WHR1: variants seen among roughly 807,000 people sequenced by gnomAD.
WHR1 encodes winged helix repair factor 1, also known as MHC class III HLA-RP1.
chr6:31,972,433 C>T, the WHR1 span: 1 of 1,613,100 alleles, frequency 6.2e-7, no homozygotes, highest in Middle Eastern at 1.6e-4. The surrounding 1 kb of genome is among the most constrained non-coding windows in gnomAD (Gnocchi z 6.3). Flanking sequence ...GAGGCATCAC[C>T]TGATCCCGGA....
the WHR1 span, among the ~76,000 whole-genome samples, chr6:31,979,222 G>C: frequency 8.9e-6 from 1 of 111,882 alleles, no homozygotes; most frequent in South Asian, 4.8e-4. Flanking sequence ...GGAGGAGGAG[G>C]AAGGAAGGAG....
At chr6:31,972,947 G>C in the WHR1 span, 3 of 1,014,608 alleles carry the variant, frequency 3.0e-6, no homozygotes, top group African/African-American at 3.2e-5. The surrounding 1 kb of genome is among the most constrained non-coding windows in gnomAD (Gnocchi z 6.3). Flanking sequence ...AAATCATGGA[G>C]GTAGAAGAAC....
chr6:31,976,034 G>A, the WHR1 span, among the ~76,000 whole-genome samples: 1 of 150,280 alleles, frequency 6.7e-6, no homozygotes, highest in Non-Finnish European at 1.5e-5. Context: ...CCGGGCGGGG[G>A]GGGCTGACCC....
the WHR1 span, chr6:31,972,011 T>G: frequency 1.9e-6 from 3 of 1,605,512 alleles, no homozygotes; most frequent in African/African-American, 4.0e-5. This position sits in a 1 kb window ranked among gnomAD's most constrained non-coding sequence, Gnocchi z 6.3. Flanking sequence ...AAAAGTGGTT[T>G]TCTGCTTTCG....
At chr6:31,979,776 T>A in the WHR1 span, 1 of 535,762 alleles carries the variant, frequency 1.9e-6, no homozygotes, top group South Asian at 2.6e-5. Flanking sequence ...AGAATTCAGT[T>A]CTTGGTGGCT....
At chr6:31,978,989 C>T in the WHR1 span, 2 of 1,612,138 alleles carry the variant, frequency 1.2e-6, no homozygotes, top group Admixed American at 3.3e-5. Context: ...CTGAGGACTA[C>T]AGGACCAGAG....
the WHR1 span, chr6:31,980,647 C>G: frequency 2.1e-5 from 25 of 1,172,674 alleles, no homozygotes; most frequent in Non-Finnish European, 2.7e-5. Flanking sequence ...TGCCACTTCT[C>G]CTCTAGGGCG....
At chr6:31,972,770 G>T in the WHR1 span, 1 of 1,609,346 alleles carries the variant, frequency 6.2e-7, no homozygotes. The surrounding 1 kb of genome is among the most constrained non-coding windows in gnomAD (Gnocchi z 6.3). Flanking sequence ...GAGGGGCGTC[G>T]GTGCGACCGC....
chr6:31,975,988 C>A, the WHR1 span, among the ~76,000 whole-genome samples: 21 of 147,680 alleles, frequency 1.4e-4, no homozygotes, highest in African/African-American at 5.3e-4. Context: ...GGCGGCCGGG[C>A]AGAGGCGCCC....
chr6:31,976,303 C>T, the WHR1 span, among the ~76,000 whole-genome samples: 156 of 151,406 alleles, frequency 1.0e-3, 1 homozygote, highest in Middle Eastern at 3.4e-3. Context: ...GGCTGCCGGG[C>T]GGAGATGCTC....
the WHR1 span, chr6:31,979,449 G>T: frequency 6.2e-7 from 1 of 1,612,872 alleles, no homozygotes; most frequent in South Asian, 1.1e-5. Context: ...CGTATGCTGG[G>T]GCAGTGCAGA....
the WHR1 span, chr6:31,979,027 G>A: frequency 6.2e-7 from 1 of 1,605,052 alleles, no homozygotes; most frequent in Non-Finnish European, 8.5e-7. Flanking sequence ...CAGGGGTGCT[G>A]GGGGGAGGGC....
the WHR1 span, among the ~76,000 whole-genome samples, chr6:31,977,295 C>T: frequency 6.6e-6 from 1 of 151,850 alleles, no homozygotes; most frequent in African/African-American, 2.4e-5. Context: ...CCTCAGCCTC[C>T]CAAGTAGCTG....
At chr6:31,980,498 G>A in the WHR1 span, 257 of 1,613,116 alleles carry the variant, frequency 1.6e-4, no homozygotes, top group Non-Finnish European at 2.2e-4. Context: ...GCTGGGAGCT[G>A]GTGGCTAGCT....
At chr6:31,977,650 A>T in the WHR1 span, among the ~76,000 whole-genome samples, 1 of 149,438 alleles carries the variant, frequency 6.7e-6, no homozygotes, top group Non-Finnish European at 1.5e-5. Context: ...CATCTGGCCT[A>T]TTTTTGTATT....
At chr6:31,973,099 C>T in the WHR1 span, 1 of 547,184 alleles carries the variant, frequency 1.8e-6, no homozygotes, top group Non-Finnish European at 3.5e-6. Context: ...TAGAGAATAT[C>T]ATAGAGAGAG....
chr6:31,979,051 G>C, the WHR1 span: 2 of 1,575,026 alleles, frequency 1.3e-6, no homozygotes, highest in East Asian at 2.2e-5. Context: ...GGTTGGGGGA[G>C]ACAGGGAACT....
chr6:31,973,079 G>T, the WHR1 span: 2 of 605,914 alleles, frequency 3.3e-6, no homozygotes, highest in Admixed American at 4.3e-5. Flanking sequence ...ACACTGAGGC[G>T]ATGGGCTGGT....
the WHR1 span, chr6:31,980,291 G>A: frequency 1.6e-6 from 1 of 612,402 alleles, no homozygotes; most frequent in Non-Finnish European, 2.8e-6. Flanking sequence ...AGAGGCAGTT[G>A]GTGCGAGCAC....
Sources: allele counts gnomAD v4.1 joint callset (sites outside exome capture counted in the v4.1 genomes callset), GRCh38; gene constraint gnomAD v4.1.1; non-coding constraint Gnocchi (gnomAD v3.1); transcripts MANE v1.5; gene names NCBI Gene and HGNC (gene_info 2026-07-23, HGNC 2026-07-21).